The following CCDC148 variants were observed in gnomAD, a reference collection of about 807,000 sequenced individuals.
The protein encoded by CCDC148 is coiled-coil domain containing 148, also known as coiled-coil domain-containing protein 148.
Under a neutral mutation model 85.7 loss-of-function variants are expected in CCDC148, and 89 were observed. The ratio of observed to expected loss-of-function variants is 1.04; its 90% confidence interval spans 0.87 to 1.24. CCDC148 has a LOEUF of 1.24. CCDC148 is among the 50% of genes most tolerant of loss of function. The probability of loss-of-function intolerance (pLI) is 0.00; values close to 1 mark genes in which losing one functional copy is unlikely to be tolerated. For synonymous variants in CCDC148, 230 were observed against 213.9 expected (o/e 1.08, Z -0.66); for missense variants, 692 against 671.7 (o/e 1.03, Z -0.33).
intron 1 of CCDC148, among the ~76,000 whole-genome samples, chr2:158,419,075 G>C (rs914554807): frequency 3.9e-5 from 6 of 152,092 alleles, no homozygotes; most frequent in African/African-American, 1.4e-4. Context: ...GCTTTGGACT[G>C]AGTTTTTTCC....
At chr2:158,419,946 A>T (rs1686691836) in intron 1 of CCDC148, 1 of 152,170 alleles carries the variant, frequency 6.6e-6, no homozygotes, top group South Asian at 2.1e-4. Flanking sequence ...TAAATACAGA[A>T]ATAGTTGCTC....
intron 10 of CCDC148, among the ~76,000 whole-genome samples, chr2:158,239,564 T>A (rs1300501601): frequency 7.6e-6 from 1 of 131,536 alleles, no homozygotes; most frequent in African/African-American, 2.5e-5. Flanking sequence ...GTTAGAAGGT[T>A]AATTTAATTT....
intron 10 of CCDC148, among the ~76,000 whole-genome samples, chr2:158,249,539 A>G (rs940352685): frequency 1.3e-5 from 2 of 152,294 alleles, no homozygotes; most frequent in African/African-American, 4.8e-5. Flanking sequence ...TTGAATTAAA[A>G]TAAGCACTGT....
intron 1 of CCDC148, among the ~76,000 whole-genome samples, chr2:158,388,263 C>T (rs1211478552): frequency 6.6e-6 from 1 of 152,040 alleles, no homozygotes; most frequent in Non-Finnish European, 1.5e-5. Context: ...AATTGAAACC[C>T]ATATTCATCA....
intron 1 of CCDC148, among the ~76,000 whole-genome samples, chr2:158,399,765 T>C (rs1685691336): frequency 6.6e-6 from 1 of 152,150 alleles, no homozygotes; most frequent in Admixed American, 6.5e-5. Context: ...GTATTGGAAG[T>C]TCTGGCCAGG....
At chr2:158,317,712 C>A (rs1367207239) in intron 7 of CCDC148, among the ~76,000 whole-genome samples, 1 of 152,126 alleles carries the variant, frequency 6.6e-6, no homozygotes, top group East Asian at 1.9e-4. Context: ...GACAATGGTG[C>A]TAAACAGGAC....
chr2:158,301,617 G>T (rs1262738086), intron 9 of CCDC148, among the ~76,000 whole-genome samples: 1 of 152,196 alleles, frequency 6.6e-6, no homozygotes, highest in East Asian at 1.9e-4. Context: ...AAAACTGGAA[G>T]GCTCCAGCGT....
At chr2:158,328,252 G>C (rs1017927067) in intron 7 of CCDC148, among the ~76,000 whole-genome samples, 14 of 152,228 alleles carry the variant, frequency 9.2e-5, no homozygotes, top group African/African-American at 2.6e-4. Flanking sequence ...CTATGACTGA[G>C]AACATGCTGT....
chr2:158,329,822 G>A (rs1055171059), intron 7 of CCDC148, among the ~76,000 whole-genome samples: 1 of 152,128 alleles, frequency 6.6e-6, no homozygotes, highest in East Asian at 1.9e-4. Context: ...TCTGTTATTG[G>A]TGTATAAGAA....
chr2:158,219,662 T>C (rs73966289), intron 11 of CCDC148, among the ~76,000 whole-genome samples: 6,131 of 152,248 alleles, frequency 0.04, 390 homozygotes, highest in African/African-American at 0.14. Context: ...CTTGCAAGCA[T>C]CTCAATAATT....
At chr2:158,256,731 A>T (rs978189103) in intron 9 of CCDC148, among the ~76,000 whole-genome samples, 3 of 151,776 alleles carry the variant, frequency 2.0e-5, no homozygotes, top group Non-Finnish European at 1.5e-5. Flanking sequence ...TCTACTTCAC[A>T]CTTCATCTGC....
At chr2:158,376,656 G>C (rs1037340757) in intron 1 of CCDC148, among the ~76,000 whole-genome samples, 2 of 151,948 alleles carry the variant, frequency 1.3e-5, no homozygotes, top group Admixed American at 6.6e-5. Flanking sequence ...AAGATGAAAG[G>C]AGTTAAGATA....
intron 9 of CCDC148, among the ~76,000 whole-genome samples, chr2:158,305,638 C>T (rs1004366493): frequency 9.2e-5 from 14 of 151,544 alleles, no homozygotes; most frequent in Non-Finnish European, 1.6e-4. Flanking sequence ...CCTGTGGTCT[C>T]AGCTATTTGG....
At chr2:158,186,495 A>T (rs769566118) in intron 11 of CCDC148, among the ~76,000 whole-genome samples, 1 of 152,036 alleles carries the variant, frequency 6.6e-6, no homozygotes, top group Non-Finnish European at 1.5e-5. Flanking sequence ...TCAATCTGTG[A>T]CTTGAGCTTA....
chr2:158,418,266 T>C (rs1686598361), intron 1 of CCDC148, among the ~76,000 whole-genome samples: 1 of 152,186 alleles, frequency 6.6e-6, no homozygotes, highest in Non-Finnish European at 1.5e-5. Flanking sequence ...AGGTAATTTC[T>C]AAGGAATCTT....
In CCDC148 at chr2:158,405,844, CAT is replaced by C. The variant is rs560259295; in HGVS notation, c.26-47276_26-47275del. 6.6e-4 allele frequency among the ~76,000 whole-genome samples: 101 copies of C among 152,090 alleles called. 1 individual carries two copies. Among genetic ancestry groups the C allele is most frequent in the African/African-American group, 2.3e-3 (96 of 41,488 alleles). On this transcript the variant is annotated intron_variant, in intron 1 of 13. Transcript: ENST00000283233. The stretch of plus-strand genomic sequence containing the variant: ...AATATTGTAATAGTTTAAAGTAACT[CAT>C]ATGAAAGAATGGCTAGCATTCATGA...
At chr2:158,276,864 G>A (rs1272020851) in intron 9 of CCDC148, among the ~76,000 whole-genome samples, 1 of 152,216 alleles carries the variant, frequency 6.6e-6, no homozygotes, top group African/African-American at 2.4e-5. Context: ...TCTAGAATAT[G>A]TATGCTTTGT....
chr2:158,296,692 G>A (rs1691204470), intron 9 of CCDC148, among the ~76,000 whole-genome samples: 1 of 152,124 alleles, frequency 6.6e-6, no homozygotes, highest in East Asian at 1.9e-4. Context: ...CATTTAAAAA[G>A]TACAGCCTCT....
At chr2:158,197,874 C>A (rs1411785849) in intron 11 of CCDC148, among the ~76,000 whole-genome samples, 1 of 151,928 alleles carries the variant, frequency 6.6e-6, no homozygotes, top group East Asian at 1.9e-4. Flanking sequence ...TAAATGCATT[C>A]ATTAACTGGT....
Sources: allele counts gnomAD v4.1 joint callset (sites outside exome capture counted in the v4.1 genomes callset), GRCh38; gene constraint gnomAD v4.1.1; transcripts MANE v1.5; gene names NCBI Gene and HGNC (gene_info 2026-07-23, HGNC 2026-07-21).